NPLOC4: variants seen among roughly 807,000 people sequenced by gnomAD.
The protein encoded by NPLOC4 is NPL4 homolog, ubiquitin recognition factor.
A neutral mutation model predicts 80.6 loss-of-function variants in NPLOC4; 18 were observed. The ratio of observed to expected loss-of-function variants is 0.22; its 90% CI spans 0.15 to 0.33. The LOEUF (loss-of-function observed/expected upper bound fraction) is 0.33, where lower values mean the gene tolerates loss of function less well. NPLOC4 is among the 10% of genes least tolerant of loss of function. The probability of loss-of-function intolerance (pLI) is 1.00; values close to 1 mark genes in which losing one functional copy is unlikely to be tolerated. For missense variants in NPLOC4, 540 were observed against 786.1 expected (o/e 0.69, Z 3.74); for synonymous variants, 313 against 301.5 (o/e 1.04, Z -0.39).
chr17:81,600,085 G>C (rs1382859913), intron 9 of NPLOC4, among the ~76,000 whole-genome samples: 1 of 152,060 alleles, frequency 6.6e-6, no homozygotes, highest in African/African-American at 2.4e-5. Context: ...ATAACAGCCA[G>C]ATCTGCACTG....
intron 12 of NPLOC4, among the ~76,000 whole-genome samples, chr17:81,586,101 G>A (rs940966802): frequency 8.5e-5 from 13 of 152,240 alleles, no homozygotes; most frequent in Non-Finnish European, 7.4e-5. Context: ...CCTGCCCAAC[G>A]GGGTAGGAGG....
chr17:81,572,011 A>G lies in NPLOC4; in HGVS notation c.1353+6T>C, dbSNP rs1221315871. The G allele has an allele frequency of 3.8e-6, 6 of 1,596,536 alleles. No individual in the cohort carries two copies. The highest frequency in any genetic ancestry group is 5.1e-6 in the Non-Finnish European group (6 of 1,169,962). On this transcript the variant is annotated splice_donor_region_variant and intron_variant, in intron 13 of 16. Coordinates refer to ENST00000331134, the MANE Select transcript of NPLOC4 (RefSeq NM_017921.4). The surrounding 1 kb of genome is among the most constrained non-coding windows in gnomAD (Gnocchi z 4.5). ...CCTGCCCAAGCTGTGCATGGGGGGCACTTACGTCTATGATGAGATACTCCA... is the reference window on the plus strand; with the variant it reads ...CCTGCCCAAGCTGTGCATGGGGGGCGCTTACGTCTATGATGAGATACTCCA...
intron 12 of NPLOC4, among the ~76,000 whole-genome samples, chr17:81,588,480 G>A (rs935675611): frequency 6.6e-6 from 1 of 152,164 alleles, no homozygotes; most frequent in Non-Finnish European, 1.5e-5. Context: ...TCCTACCTCA[G>A]CCTCCTGAGT....
intron 3 of NPLOC4, among the ~76,000 whole-genome samples, chr17:81,620,740 G>A (rs139795994): frequency 5.8e-4 from 88 of 152,296 alleles, no homozygotes; most frequent in Non-Finnish European, 1.2e-3. Flanking sequence ...AGAGCAGCGG[G>A]ACAAGCGTGG....
rs1020804432 is a variant in NPLOC4 at position 81,567,695 on chromosome 17, G to A, written c.1450-162C>T. ...AACAGGGTCCAAGAAAGAGGAGCAGGCAGCTGCAAAGCAAGCTCTTGCTCT... is the reference window on the plus strand; with the variant it reads ...AACAGGGTCCAAGAAAGAGGAGCAGACAGCTGCAAAGCAAGCTCTTGCTCT... On this transcript the variant is annotated intron_variant, in intron 14 of 16. Coordinates refer to ENST00000331134, the MANE Select transcript of NPLOC4 (RefSeq NM_017921.4). This position sits in a 1 kb window ranked among gnomAD's most constrained non-coding sequence, Gnocchi z 4.5. Among the ~76,000 whole-genome samples the A allele has an allele frequency of 1.3e-5, 2 of 152,202 alleles. No homozygotes were observed. The highest frequency in any genetic ancestry group is 4.1e-4 in the South Asian group (2 of 4,832).
intron 12 of NPLOC4, among the ~76,000 whole-genome samples, chr17:81,581,682 C>G (rs527409371): frequency 5.3e-5 from 8 of 152,310 alleles, no homozygotes; most frequent in African/African-American, 1.9e-4. Context: ...TCCCGGGGCG[C>G]CAGCCAGCAA....
At chr17:81,604,860 C>T in intron 7 of NPLOC4, 133 bp from the exon 8 acceptor site, 1 of 793,820 alleles carries the variant, frequency 1.3e-6, no homozygotes, top group Non-Finnish European at 2.0e-6. Context: ...TGTGATGGTG[C>T]ATGCCTGTGG....
chr17:81,618,625 T>G (rs1483705032), intron 3 of NPLOC4, among the ~76,000 whole-genome samples: 1 of 147,586 alleles, frequency 6.8e-6, no homozygotes, highest in Admixed American at 6.7e-5. Flanking sequence ...GTCTGGGAGG[T>G]GAGGGGCGCC....
intron 2 of NPLOC4, 144 bp from the exon 3 acceptor site, chr17:81,622,422 C>T: frequency 1.5e-6 from 1 of 684,278 alleles, no homozygotes. Flanking sequence ...CTATTTTGCT[C>T]TTTTAAAGAA....
chr17:81,559,042 G>A lies in NPLOC4; in HGVS notation c.*217C>T, dbSNP rs2033752816. On this transcript the variant is annotated 3_prime_UTR_variant, in exon 17 of 17. Coordinates refer to ENST00000331134, the MANE Select transcript of NPLOC4 (RefSeq NM_017921.4). ...AGCCGCTCTGCGTTTCCAGTCTGGA[G>A]ACTGCATTCAGCCTGCAGAATACCA... 7.1e-6 allele frequency: 4 copies of A among 562,522 alleles called. No homozygotes were observed. Among genetic ancestry groups the A allele is most frequent in the Admixed American group, 3.3e-5 (1 of 30,684 alleles). 34.8% of individuals were successfully genotyped at this position (562,522 alleles called of 1,614,324 possible).
intron 2 of NPLOC4, among the ~76,000 whole-genome samples, chr17:81,624,622 C>A (rs2035751337): frequency 6.6e-6 from 1 of 152,040 alleles, no homozygotes; most frequent in Non-Finnish European, 1.5e-5. Context: ...AAAAAAAAGA[C>A]AAGGTTCCTG....
At chr17:81,560,231 A>T (rs1192264190) in intron 16 of NPLOC4, among the ~76,000 whole-genome samples, 2 of 150,274 alleles carry the variant, frequency 1.3e-5, no homozygotes, top group Middle Eastern at 3.3e-3. Flanking sequence ...CAGCCTGGCC[A>T]ACATGGCGAA....
chr17:81,587,410 G>A (rs1376847703), intron 12 of NPLOC4, among the ~76,000 whole-genome samples: 2 of 151,622 alleles, frequency 1.3e-5, no homozygotes, highest in East Asian at 3.9e-4. Flanking sequence ...CTGCCTCCCA[G>A]GTTTACACCA....
intron 4 of NPLOC4, 171 bp downstream of exon 4, chr17:81,613,147 C>T (rs6565601): frequency 0.48 from 246,648 of 511,564 alleles, 65,537 homozygotes; most frequent in East Asian, 0.74. Flanking sequence ...AAACAAAAAC[C>T]GATAAAAAGC....
intron 12 of NPLOC4, among the ~76,000 whole-genome samples, chr17:81,584,116 C>T (rs1217804401): frequency 4.6e-5 from 7 of 152,136 alleles, no homozygotes; most frequent in Admixed American, 4.6e-4. Context: ...AATATTGGTG[C>T]AGGTTTTGTT....
chr17:81,579,353 A>G (rs565509962), intron 12 of NPLOC4, among the ~76,000 whole-genome samples: 1 of 152,286 alleles, frequency 6.6e-6, no homozygotes, highest in African/African-American at 2.4e-5. Context: ...ACATCACCCT[A>G]GGTGACAGAG....
intron 12 of NPLOC4, among the ~76,000 whole-genome samples, chr17:81,574,388 G>A (rs1410242993): frequency 6.6e-6 from 1 of 152,092 alleles, no homozygotes; most frequent in Non-Finnish European, 1.5e-5. Context: ...CCTCCCTGGG[G>A]AAACAGGTCA....
chr17:81,585,487 T>C (rs1338111578), intron 12 of NPLOC4, among the ~76,000 whole-genome samples: 2 of 151,300 alleles, frequency 1.3e-5, no homozygotes, highest in Non-Finnish European at 2.9e-5. Flanking sequence ...CATGGTGAAA[T>C]CCAATCTCTA....
At position 81,559,333 on chromosome 17, in the gene NPLOC4, C is replaced by T; in HGVS notation, c.1753G>A (p.Ala585Thr). 2 of 1,606,788 alleles carry T rather than the reference C, an allele frequency of 1.2e-6. No individual in the cohort carries two copies. Among genetic ancestry groups the T allele is most frequent in the South Asian group, 1.1e-5 (1 of 89,658 alleles). Residue 585 changes from alanine to threonine, a missense_variant, in exon 17 of 17, where the codon GCC (alanine) becomes ACC (threonine). Ala to Thr is a moderately conservative substitution (Grantham distance 58, BLOSUM62 0). Coordinates refer to ENST00000331134, the MANE Select transcript of NPLOC4 (RefSeq NM_017921.4). Reference sequence around the variant, plus strand: ...TTCATGAACGTGCAGTGCTGACAGGCCCACATGGCTGCAGTGGCCGTGTGT... The same window carrying T: ...TTCATGAACGTGCAGTGCTGACAGGTCCACATGGCTGCAGTGGCCGTGTGT... Reference protein sequence around the residue: ...STHTATAAMWACQHCTFMNQP... With the variant: ...STHTATAAMWTCQHCTFMNQP...
Sources: allele counts gnomAD v4.1 joint callset (sites outside exome capture counted in the v4.1 genomes callset), GRCh38; gene constraint gnomAD v4.1.1; non-coding constraint Gnocchi (gnomAD v3.1); transcripts MANE v1.5; gene names NCBI Gene and HGNC (gene_info 2026-07-23, HGNC 2026-07-21).